RELN: variants seen among roughly 807,000 people sequenced by gnomAD.
RELN encodes reelin.
In RELN, 108 loss-of-function variants were observed where a neutral mutation model predicts 427.6. The observed-to-expected ratio is 0.25, with a 90% CI of 0.22 to 0.30. The LOEUF is 0.30. Ranked by LOEUF, RELN falls within the 10% of genes least tolerant of loss-of-function variation. The probability of loss-of-function intolerance (pLI) is 1.00; values close to 1 mark genes in which losing one functional copy is unlikely to be tolerated. For synonymous variants in RELN, 1,524 were observed against 1,513.4 expected (o/e 1.01, Z -0.16); for missense variants, 3,715 against 4,302.8 (o/e 0.86, Z 3.82).
intron 1 of RELN, among the ~76,000 whole-genome samples, chr7:103,971,179 A>G (rs2116817017): frequency 6.6e-6 from 1 of 151,738 alleles, no homozygotes; most frequent in Admixed American, 6.6e-5. Flanking sequence ...AGAAAAAGGG[A>G]AAAAAAGGTA....
rs140329377 is a variant in RELN at position 103,888,000 on chromosome 7, G to A, written c.337+29075C>T. 1.3e-3 allele frequency among the ~76,000 whole-genome samples: 191 copies of A among 152,232 alleles called. 4 individuals are homozygous for A. The East Asian group carries it at 0.032, about 26-fold the overall frequency. ...CATGGATCAACTGTGCTCCTTTTGT[G>A]CTTAGAAGTTAGTGAAGAAACAGTA... On this transcript the variant is annotated intron_variant, in intron 2 of 64. Transcript: ENST00000428762.
Position 103,561,884 on chromosome 7 carries a change from A to G in RELN, c.5280T>C (p.Asp1760=). ...GGCACCCTGAGGCCAGTACAACATT[A>G]TCAATCGCCCAGGAATCAGCCCCCA... ...YTVGADSWAI[D]NVVLASGCPW... The change falls in exon 35 of 65, where the codon GAT becomes GAC. Residue 1760 remains aspartate (D), a synonymous_variant. Coordinates refer to ENST00000428762, the MANE Select transcript of RELN (RefSeq NM_005045.4). The G allele has an allele frequency of 6.2e-7, 1 of 1,611,450 alleles. No homozygotes were observed. The highest frequency in any genetic ancestry group is 2.2e-5 in the East Asian group (1 of 44,738).
At chr7:103,625,949 A>G (rs896861479) in intron 20 of RELN, among the ~76,000 whole-genome samples, 2 of 152,206 alleles carry the variant, frequency 1.3e-5, no homozygotes, top group African/African-American at 4.8e-5. Context: ...CAATGGAGTG[A>G]AGCTCAGATA....
chr7:103,776,562 T>C lies in RELN; in HGVS notation c.539A>G (p.Gln180Arg), dbSNP rs1431837294. ...KDALAQQLCE[Q>R]GAPTDVTVHP... is the part of the protein sequence containing the mutation. ...AAATCAAATGTGACGCTTACCTCCT[T>C]GTTCACACAACTGCTGGGCTAAAGC... Residue 180 changes from glutamine (Q) to arginine (R), a missense_variant, in exon 4 of 65, where the codon CAA becomes CGA. By Grantham distance (43) the Gln-to-Arg change is conservative. This residue lies in a region of RELN where 2,208 missense variants were observed against 2,361.7 expected (regional missense o/e 0.93). Coordinates refer to ENST00000428762, the MANE Select transcript of RELN (RefSeq NM_005045.4). The C allele has an allele frequency of 6.2e-7, 1 of 1,614,122 alleles. No individual in the cohort carries two copies. The highest frequency in any genetic ancestry group is 2.2e-5 in the East Asian group (1 of 44,866).
At chr7:103,508,224 A>G (rs1829281532) in intron 51 of RELN, among the ~76,000 whole-genome samples, 1 of 152,192 alleles carries the variant, frequency 6.6e-6, no homozygotes, top group Non-Finnish European at 1.5e-5. Flanking sequence ...TGGCAGAGAC[A>G]CCACAAAAAA....
chr7:103,629,415 G>A (rs370196487), intron 20 of RELN, among the ~76,000 whole-genome samples: 1 of 152,304 alleles, frequency 6.6e-6, no homozygotes, highest in East Asian at 1.9e-4. Context: ...TGGTCCAATA[G>A]TGTTTGATAA....
chr7:103,855,547 G>A (rs1793925443), intron 2 of RELN, among the ~76,000 whole-genome samples: 2 of 152,280 alleles, frequency 1.3e-5, no homozygotes, highest in Non-Finnish European at 1.5e-5. Flanking sequence ...AAGAAGAGAG[G>A]CAGAAAGGAT....
At chr7:103,472,942 G>T (rs748465128) in intron 64 of RELN, 34 bp from the exon 65 acceptor site, 4 of 1,534,342 alleles carry the variant, frequency 2.6e-6, no homozygotes. Flanking sequence ...GGCAGGGAAG[G>T]AAAGGAAAAA....
At chr7:103,544,603 CCA>C (rs1283017629) in intron 42 of RELN, among the ~76,000 whole-genome samples, 1 of 152,074 alleles carries the variant, frequency 6.6e-6, no homozygotes, top group African/African-American at 2.4e-5. Flanking sequence ...AGGTGTTTTT[CCA>C]CAGTTTGATC....
intron 3 of RELN, 94 bp downstream of exon 3, chr7:103,833,443 A>C: frequency 8.2e-7 from 1 of 1,224,624 alleles, no homozygotes; most frequent in South Asian, 1.2e-5. Context: ...AACCTGTCAA[A>C]ATAAAACACT....
At chr7:103,868,051 T>C (rs548233871) in intron 2 of RELN, among the ~76,000 whole-genome samples, 143 of 152,140 alleles carry the variant, frequency 9.4e-4, no homozygotes, top group Admixed American at 2.8e-3. Context: ...AATTTGGCCC[T>C]TCCCAAAGGC....
intron 41 of RELN, among the ~76,000 whole-genome samples, chr7:103,547,635 G>C (rs1380847569): frequency 1.3e-5 from 2 of 152,170 alleles, no homozygotes; most frequent in Admixed American, 1.3e-4. Flanking sequence ...CAAAATGCCA[G>C]TCCATAATTA....
chr7:103,770,642 T>C (rs1038793984), intron 4 of RELN, among the ~76,000 whole-genome samples: 1 of 107,646 alleles, frequency 9.3e-6, no homozygotes, highest in Non-Finnish European at 1.9e-5. Flanking sequence ...TCTTTCCTTA[T>C]TTTTTTTAAA....
intron 2 of RELN, among the ~76,000 whole-genome samples, chr7:103,857,239 G>T (rs1304945573): frequency 1.3e-5 from 2 of 152,146 alleles, no homozygotes; most frequent in African/African-American, 4.8e-5. Context: ...AAGACTTACT[G>T]CATAGCTAGG....
chr7:103,816,698 G>C (rs1261115912), intron 3 of RELN, among the ~76,000 whole-genome samples: 1 of 152,066 alleles, frequency 6.6e-6, no homozygotes, highest in African/African-American at 2.4e-5. Flanking sequence ...GGCCTTGAGA[G>C]GCTTCTCCAA....
At chr7:103,841,833 A>G (rs1563044997) in intron 2 of RELN, among the ~76,000 whole-genome samples, 1 of 152,188 alleles carries the variant, frequency 6.6e-6, no homozygotes, top group Non-Finnish European at 1.5e-5. Context: ...GGTCAATTCT[A>G]TATTTCATAG....
chr7:103,541,815 A>G (rs556998824), intron 43 of RELN, among the ~76,000 whole-genome samples: 1 of 152,326 alleles, frequency 6.6e-6, no homozygotes, highest in South Asian at 2.1e-4. Context: ...ATTAAACTAT[A>G]TGCATTAAAG....
intron 2 of RELN, among the ~76,000 whole-genome samples, chr7:103,892,995 G>C (rs1291695465): frequency 6.6e-6 from 1 of 152,186 alleles, no homozygotes; most frequent in African/African-American, 2.4e-5. Context: ...ACAGGTTTCT[G>C]TGACTGATCA....
chr7:103,882,387 T>C (rs960396623), intron 2 of RELN, among the ~76,000 whole-genome samples: 2 of 152,196 alleles, frequency 1.3e-5, no homozygotes, highest in Non-Finnish European at 2.9e-5. Flanking sequence ...TCAGTTATCT[T>C]TGAATGGGAT....
Sources: gnomAD v4.1 joint callset for allele counts (sites outside exome capture counted in the v4.1 genomes callset) on GRCh38, gnomAD v4.1.1 for gene constraint, gnomAD v4.1.1 regional missense constraint, MANE v1.5 for transcripts, NCBI Gene and HGNC (gene_info 2026-07-23, HGNC 2026-07-21) for gene names.